Variants in SYT7 observed in about 807,000 individuals in gnomAD.
SYT7 encodes synaptotagmin-7.
Under a neutral mutation model 75.1 loss-of-function variants are expected in SYT7, and 29 were observed. That is an observed-to-expected ratio of 0.39 (90% CI 0.29 to 0.53). The LOEUF is 0.53. Among genes scored for constraint, SYT7 ranks in the 20% least tolerant of loss-of-function variants. The pLI is 0.77. For missense variants in SYT7, 693 were observed against 953.2 expected (o/e 0.73, Z 3.59); for synonymous variants, 376 against 401.7 (o/e 0.94, Z 0.76).
Position 61,580,838 on chromosome 11 carries a change from T to G in SYT7, c.-18A>C. 1.6e-6 allele frequency: 2 copies of G among 1,252,064 alleles called. No homozygotes were observed. Among genetic ancestry groups the G allele is most frequent in the Non-Finnish European group, 2.0e-6 (2 of 995,602 alleles). 77.6% of individuals were successfully genotyped at this position (1,252,064 alleles called of 1,614,324 possible). On this transcript the variant is annotated 5_prime_UTR_variant, in exon 1 of 13. Coordinates refer to ENST00000539008, the MANE Select transcript of SYT7 (RefSeq NM_001365809.2). This position sits in a 1 kb window ranked among gnomAD's most constrained non-coding sequence, Gnocchi z 6.1. ...CGGTACATGGTCCCCTCGTCGCCGG[T>G]TCCCTCCGGGCTCCTCAGAGCCGCC...
At chr11:61,574,643 G>A (rs1476368207) in intron 1 of SYT7, among the ~76,000 whole-genome samples, 1 of 151,780 alleles carries the variant, frequency 6.6e-6, no homozygotes, top group Non-Finnish European at 1.5e-5. Context: ...GTCAGGGATG[G>A]TAAGGAGGTG....
intron 12 of SYT7, among the ~76,000 whole-genome samples, chr11:61,520,885 C>T (rs7943167): frequency 0.13 from 19,712 of 152,252 alleles, 2,528 homozygotes; most frequent in African/African-American, 0.33. Context: ...CTCTGTAACA[C>T]ATGGTGGAAC....
At chr11:61,561,080 C>A (rs1038667725) in intron 1 of SYT7, among the ~76,000 whole-genome samples, 1 of 152,188 alleles carries the variant, frequency 6.6e-6, no homozygotes, top group East Asian at 1.9e-4. Flanking sequence ...AGCCCTCTAA[C>A]CCCTCCTCAG....
At chr11:61,562,067 C>G (rs899869541) in intron 1 of SYT7, among the ~76,000 whole-genome samples, 1 of 151,978 alleles carries the variant, frequency 6.6e-6, no homozygotes, top group South Asian at 2.1e-4. Flanking sequence ...CACACACACA[C>G]GCACGCACGT....
At position 61,574,757 on chromosome 11, in the gene SYT7, G is replaced by A. The variant is rs1022593730; in HGVS notation, c.31+6033C>T. On this transcript the variant is annotated intron_variant, in intron 1 of 12. Coordinates refer to ENST00000539008, the MANE Select transcript of SYT7 (RefSeq NM_001365809.2). ...CCCGGGCCCAGGCCTGGCAGAGCGG[G>A]AGAGAGCCTGCTATGTGCCAGCCAT... 5.9e-5 allele frequency among the ~76,000 whole-genome samples: 9 copies of A among 152,176 alleles called. No homozygotes were observed. The East Asian group carries it at 1.2e-3, about 20-fold the overall frequency.
At chr11:61,573,287 G>A (rs1446608607) in intron 1 of SYT7, among the ~76,000 whole-genome samples, 2 of 152,192 alleles carry the variant, frequency 1.3e-5, no homozygotes, top group African/African-American at 4.8e-5. Context: ...TCCCTCACTA[G>A]GGAGGCTTTC....
upstream of SYT7, among the ~76,000 whole-genome samples, chr11:61,583,067 G>GA (rs145862108): frequency 1.3e-5 from 2 of 149,528 alleles, no homozygotes; most frequent in African/African-American, 2.5e-5. Context: ...TATCTACAAA[G>GA]AAAAAAAAAA....
Position 61,514,776 on chromosome 11 carries a change from A to G in SYT7, c.*3851T>C, listed in dbSNP as rs960823965. Among the ~76,000 whole-genome samples, 8 of 152,202 alleles carry G rather than the reference A, an allele frequency of 5.3e-5. No individual in the cohort carries two copies. The highest frequency in any genetic ancestry group is 1.7e-4 in the African/African-American group (7 of 41,454). ...GAGTGGAAGAGACTTTTCTAATCCT[A>G]AAGAATGAAACTAGAAGAGGGCTGA... On this transcript the variant is annotated 3_prime_UTR_variant, in exon 13 of 13. Transcript: ENST00000539008.
Position 61,574,006 on chromosome 11 carries a change from A to G in SYT7, c.31+6784T>C, listed in dbSNP as rs1344794917. ...ACAGCACCTGGCACATAGTGAGCAC[A>G]CAACATGTCTCTGCTATTCTGATGG... On this transcript the variant is annotated intron_variant, in intron 1 of 12. Transcript: ENST00000539008. Among the ~76,000 whole-genome samples, 4 of 152,244 alleles carry G rather than the reference A, an allele frequency of 2.6e-5. No individual in the cohort carries two copies. In the East Asian group the frequency reaches 7.7e-4, roughly 29 times the overall value.
intron 1 of SYT7, among the ~76,000 whole-genome samples, chr11:61,569,154 C>T (rs977528269): frequency 6.6e-6 from 1 of 152,154 alleles, no homozygotes; most frequent in African/African-American, 2.4e-5. Context: ...CTTGGAGTCT[C>T]GGAGTCTCAT....
chr11:61,555,793 G>C (rs557910377), intron 2 of SYT7, among the ~76,000 whole-genome samples: 5 of 152,300 alleles, frequency 3.3e-5, no homozygotes, highest in South Asian at 2.1e-4. Flanking sequence ...GTGTGCGCGT[G>C]TGTGTAGCTG....
Position 61,546,450 on chromosome 11 carries a change from A to C in SYT7, c.348-195T>G. The stretch of plus-strand genomic sequence containing the variant: ...GAGACAGACAGAGAGAGAGAGAGAG[A>C]CATCAGCACTGCAAATGGGTTAACA... On this transcript the variant is annotated intron_variant, in intron 4 of 12. Coordinates refer to ENST00000539008, the MANE Select transcript of SYT7 (RefSeq NM_001365809.2). The surrounding 1 kb of genome is among the most constrained non-coding windows in gnomAD (Gnocchi z 7.6). The C allele has an allele frequency of 1.9e-6, 1 of 519,374 alleles. No individual in the cohort carries two copies. The highest frequency in any genetic ancestry group is 2.1e-5 in the South Asian group (1 of 48,254). The allele number at this position is 519,374 out of a possible 1,614,324, so 32.2% of individuals were successfully genotyped here. A position where few individuals can be genotyped will look rare whatever the true frequency, so the allele number is the denominator to read the frequency against.
chr11:61,546,451 C>A lies in SYT7; in HGVS notation c.348-196G>T. 1 of 569,556 alleles carries A rather than the reference C, an allele frequency of 1.8e-6. No homozygotes were observed. The highest frequency in any genetic ancestry group is 3.1e-6 in the Non-Finnish European group (1 of 321,690). The allele number at this position is 569,556 out of a possible 1,614,324, so 35.3% of individuals were successfully genotyped here. On this transcript the variant is annotated intron_variant, in intron 4 of 12. Transcript: ENST00000539008. The surrounding 1 kb of genome is among the most constrained non-coding windows in gnomAD (Gnocchi z 7.6). ...AGACAGACAGAGAGAGAGAGAGAGA[C>A]ATCAGCACTGCAAATGGGTTAACAG...
chr11:61,540,898 C>T, intron 6 of SYT7: 1 of 985,494 alleles, frequency 1.0e-6, no homozygotes, highest in Non-Finnish European at 1.2e-6. Flanking sequence ...CTCTTCTGGG[C>T]ATCTCATCTT....
chr11:61,517,080 C>G lies in SYT7; in HGVS notation c.*1547G>C, dbSNP rs902683217. On this transcript the variant is annotated 3_prime_UTR_variant, in exon 13 of 13. Transcript: ENST00000539008. ...GTGGAACTGGGGGCTAAGACCACGG[C>G]CACAGACTGTGGGGGCCTGGCGCCA... is the stretch of plus-strand genomic sequence containing the variant. The G allele has an allele frequency of 5.1e-6, 2 of 394,532 alleles. No individual in the cohort carries two copies. The highest frequency in any genetic ancestry group is 1.4e-4 in the South Asian group (1 of 6,966). The allele number at this position is 394,532 out of a possible 1,614,324, so 24.4% of individuals were successfully genotyped here.
intron 8 of SYT7, among the ~76,000 whole-genome samples, chr11:61,531,755 G>C (rs945966668): frequency 2.0e-5 from 3 of 151,888 alleles, no homozygotes; most frequent in Admixed American, 6.6e-5. Context: ...TTAGCCGGGC[G>C]TGGTGGTGTA....
intron 1 of SYT7, among the ~76,000 whole-genome samples, chr11:61,559,432 AT>A (rs1418466607): frequency 6.6e-6 from 1 of 152,132 alleles, no homozygotes; most frequent in Non-Finnish European, 1.5e-5. Context: ...GGACGGCCTG[AT>A]GGGGAAGGGG....
At chr11:61,532,421 G>T (rs1356111561) in intron 8 of SYT7, among the ~76,000 whole-genome samples, 2 of 152,164 alleles carry the variant, frequency 1.3e-5, no homozygotes, top group Non-Finnish European at 2.9e-5. Flanking sequence ...GTGGCATCTG[G>T]TGGGGCGTGG....
intron 7 of SYT7, chr11:61,533,531 T>C: frequency 1.0e-6 from 1 of 985,424 alleles, no homozygotes; most frequent in Non-Finnish European, 1.2e-6. Context: ...CGTGGTGTGG[T>C]GTGTCCAGGT....
Sources: gnomAD v4.1 joint callset for allele counts (sites outside exome capture counted in the v4.1 genomes callset) on GRCh38, gnomAD v4.1.1 for gene constraint, Gnocchi (gnomAD v3.1) non-coding constraint, MANE v1.5 for transcripts, NCBI Gene and HGNC (gene_info 2026-07-23, HGNC 2026-07-21) for gene names.